The following DDX23 variants were observed in gnomAD, a reference collection of about 807,000 sequenced individuals.
DDX23 encodes the protein DEAD-box helicase 23, also known as probable ATP-dependent RNA helicase DDX23.
Under a neutral mutation model 102.7 loss-of-function variants are expected in DDX23, and 33 were observed. That is an observed-to-expected ratio of 0.32 (90% confidence interval 0.24 to 0.43). The LOEUF (loss-of-function observed/expected upper bound fraction) is 0.43, where lower values mean the gene tolerates loss of function less well. Among genes scored for constraint, DDX23 ranks in the 20% least tolerant of loss-of-function variants. The pLI is 1.00. For missense variants in DDX23, 549 were observed against 1,086.6 expected, an observed-to-expected ratio of 0.51 and a Z score of 6.96; for synonymous variants, 352 against 376.0, an observed-to-expected ratio of 0.94 and a Z score of 0.74.
Position 48,834,315 on chromosome 12 carries a change from C to A in DDX23, c.1560+5G>T, listed in dbSNP as rs1243793825. ...GCAGGCTGGCTGCTAGATAGAAAAACAAACCTCACAACCCATGCGCAGCCT... is the reference window on the plus strand; with the variant it reads ...GCAGGCTGGCTGCTAGATAGAAAAAAAAACCTCACAACCCATGCGCAGCCT... On this transcript the variant is annotated splice_donor_5th_base_variant and intron_variant, in intron 12 of 16. Coordinates refer to ENST00000308025, the MANE Select transcript of DDX23 (RefSeq NM_004818.3). 1 of 1,598,482 alleles carries A rather than the reference C, an allele frequency of 6.3e-7. No homozygotes were observed.
intron 15 of DDX23, 146 bp from the exon 16 acceptor site, chr12:48,831,462 G>A (rs1592198974): frequency 2.6e-6 from 2 of 783,786 alleles, no homozygotes; most frequent in Middle Eastern, 2.4e-4. Flanking sequence ...TGATTGCAGT[G>A]AAAGAAGGAG....
chr12:48,832,394 G>A lies in DDX23; in HGVS notation c.1955+28C>T, dbSNP rs757162808. 1 of 1,605,918 alleles carries A rather than the reference G, an allele frequency of 6.2e-7. No homozygotes were observed. The highest frequency in any genetic ancestry group is 8.5e-7 in the Non-Finnish European group (1 of 1,173,388). Reference sequence around the variant, plus strand: ...TCAGAGCCATTTTATTCTCCACCCTGTTTCCCCTGGCTCAGCTGCCCTCAT... The same window carrying A: ...TCAGAGCCATTTTATTCTCCACCCTATTTCCCCTGGCTCAGCTGCCCTCAT... On this transcript the variant is annotated intron_variant, in intron 14 of 16. Coordinates refer to ENST00000308025, the MANE Select transcript of DDX23 (RefSeq NM_004818.3). The surrounding 1 kb of genome is among the most constrained non-coding windows in gnomAD (Gnocchi z 4.4).
chr12:48,848,301 C>CA (rs1162953994), intron 1 of DDX23, among the ~76,000 whole-genome samples: 388 of 135,660 alleles, frequency 2.9e-3, no homozygotes, highest in African/African-American at 9.0e-3. Context: ...CAAAACAAAA[C>CA]AAAAAACAAA....
Position 48,830,071 on chromosome 12 carries a change from A to C in DDX23, c.*398T>G. Reference sequence around the variant, plus strand: ...GTCTCCTGGGGCATCTAGGGCAATGATGCTACTGCAGTTTATGCAGTTACA... The same window carrying C: ...GTCTCCTGGGGCATCTAGGGCAATGCTGCTACTGCAGTTTATGCAGTTACA... On this transcript the variant is annotated 3_prime_UTR_variant, in exon 17 of 17. Transcript: ENST00000308025. The surrounding 1 kb of genome is among the most constrained non-coding windows in gnomAD (Gnocchi z 4.9). The C allele has an allele frequency of 5.3e-6, 2 of 378,202 alleles. No homozygotes were observed. Among genetic ancestry groups the C allele is most frequent in the South Asian group, 4.0e-5 (2 of 50,004 alleles). The allele number at this position is 378,202 out of a possible 1,614,324, so 23.4% of individuals were successfully genotyped here. A position where few individuals can be genotyped will look rare whatever the true frequency, so the allele number is the denominator to read the frequency against.
chr12:48,832,715 T>C lies in DDX23; in HGVS notation c.1804-142A>G. 1.9e-6 allele frequency: 2 copies of C among 1,058,066 alleles called. No individual in the cohort carries two copies. Among genetic ancestry groups the C allele is most frequent in the Non-Finnish European group, 1.3e-6 (1 of 760,420 alleles). 65.5% of individuals were successfully genotyped at this position (1,058,066 alleles called of 1,614,324 possible). ...TGATAGCCACCACCTTAGAAAATAG[T>C]GTCCTCTGAATTCCCATCCTTCCTG... On this transcript the variant is annotated intron_variant, in intron 13 of 16. Transcript: ENST00000308025. The surrounding 1 kb of genome is among the most constrained non-coding windows in gnomAD (Gnocchi z 4.4).
chr12:48,845,917 A>T, intron 1 of DDX23, 135 bp from the exon 2 acceptor site: 1 of 981,106 alleles, frequency 1.0e-6, no homozygotes, highest in Non-Finnish European at 1.5e-6. Context: ...AGAACGGTGG[A>T]GCTCAGGTAT....
chr12:48,844,151 T>G, intron 2 of DDX23, 101 bp from the exon 3 acceptor site: 1 of 1,080,586 alleles, frequency 9.3e-7, no homozygotes, highest in Non-Finnish European at 1.4e-6. Context: ...AAAGTAATGT[T>G]TTACAAATTA....
chr12:48,850,942 A>G (rs1023342201), intron 1 of DDX23, among the ~76,000 whole-genome samples: 1 of 152,194 alleles, frequency 6.6e-6, no homozygotes, highest in African/African-American at 2.4e-5. Flanking sequence ...GGCAACTTTT[A>G]TTACAGGTTC....
At chr12:48,851,488 A>G (rs1938758037) in intron 1 of DDX23, among the ~76,000 whole-genome samples, 1 of 152,138 alleles carries the variant, frequency 6.6e-6, no homozygotes, top group African/African-American at 2.4e-5. Flanking sequence ...AAAAAAGAAA[A>G]GAAAAGAAAA....
intron 11 of DDX23, chr12:48,835,176 C>T (rs1026491314): frequency 1.5e-5 from 4 of 265,108 alleles, no homozygotes; most frequent in Non-Finnish European, 3.2e-5. Flanking sequence ...TGGGAGGCAA[C>T]GGTTGCTGTA....
Position 48,833,343 on chromosome 12 carries a change from C to A in DDX23, c.1737G>T (p.Thr579=), listed in dbSNP as rs149236003. 6.2e-7 allele frequency: 1 copy of A among 1,614,052 alleles called. No individual in the cohort carries two copies. Among genetic ancestry groups the A allele is most frequent in the African/African-American group, 1.3e-5 (1 of 74,912 alleles). ...TCTTCTCAGGGTCCTCAGCCTCATC[C>A]GTGTCTGGCTTCTGGTTGCTGACAG... ...HMPVSNQKPD[T]DEAEDPEKML... is the part of the protein sequence containing the mutation. Residue 579 remains threonine (T), a synonymous_variant, in exon 13 of 17, where the codon ACG becomes ACT. Coordinates refer to ENST00000308025, the MANE Select transcript of DDX23 (RefSeq NM_004818.3).
At chr12:48,841,204 G>A (rs1292584807) in intron 3 of DDX23, among the ~76,000 whole-genome samples, 2 of 152,054 alleles carry the variant, frequency 1.3e-5, no homozygotes, top group African/African-American at 2.4e-5. Context: ...TGGCCAACAT[G>A]GAGAAACCCT....
At chr12:48,845,465 TA>T in intron 2 of DDX23, 108 bp downstream of exon 2, 1 of 1,285,056 alleles carries the variant, frequency 7.8e-7, no homozygotes, top group Non-Finnish European at 1.1e-6. Context: ...TCTCAAAAAA[TA>T]AAAATAAAAA....
chr12:48,842,345 C>G (rs1565678229), intron 3 of DDX23, among the ~76,000 whole-genome samples: 1 of 141,036 alleles, frequency 7.1e-6, no homozygotes, highest in African/African-American at 2.7e-5. Context: ...GCCGCCCCTA[C>G]TGGGAAGTGA....
chr12:48,830,510 T>C lies in DDX23; in HGVS notation c.2422A>G (p.Ile808Val). The change falls in exon 17 of 17, where the codon ATC (isoleucine) becomes GTC (valine). Residue 808 changes from isoleucine (I) to valine (V), a missense_variant. Physicochemically the swap from Ile to Val is conservative, Grantham distance 29. Transcript: ENST00000308025. This position sits in a 1 kb window ranked among gnomAD's most constrained non-coding sequence, Gnocchi z 4.9. ...TCTTCCCGGCGCTTCTTGGTGAGGATGGTGCCTGGCTTATGCTGGGCATCT... is the reference window on the plus strand; with the variant it reads ...TCTTCCCGGCGCTTCTTGGTGAGGACGGTGCCTGGCTTATGCTGGGCATCT... ...HPDAQHKPGTILTKKRREETI... is the reference protein window; with the variant it reads ...HPDAQHKPGTVLTKKRREETI... 1 of 1,613,612 alleles carries C rather than the reference T, an allele frequency of 6.2e-7. No homozygotes were observed. Among genetic ancestry groups the C allele is most frequent in the Non-Finnish European group, 8.5e-7 (1 of 1,179,946 alleles).
intron 3 of DDX23, among the ~76,000 whole-genome samples, chr12:48,842,581 G>A (rs1592203422): frequency 6.8e-6 from 1 of 146,550 alleles, no homozygotes; most frequent in East Asian, 2.1e-4. Context: ...CAGCCGCCCC[G>A]TCCAGGAGGT....
intron 2 of DDX23, among the ~76,000 whole-genome samples, chr12:48,845,173 G>C (rs1938643313): frequency 6.9e-6 from 1 of 145,648 alleles, no homozygotes; most frequent in African/African-American, 2.5e-5. Flanking sequence ...AAAAAAAAAG[G>C]CCAGGCGCGG....
chr12:48,851,625 G>T (rs1266288089), intron 1 of DDX23, among the ~76,000 whole-genome samples: 1 of 152,264 alleles, frequency 6.6e-6, no homozygotes, highest in Non-Finnish European at 1.5e-5. Context: ...GGAAGAGGAA[G>T]TGACGCTTGA....
rs1938403124 is a variant in DDX23 at position 48,832,351 on chromosome 12, C to T, written c.1955+71G>A. On this transcript the variant is annotated intron_variant, in intron 14 of 16. Transcript: ENST00000308025. This position sits in a 1 kb window ranked among gnomAD's most constrained non-coding sequence, Gnocchi z 4.4. ...AGCAGAGCAATTGCCCTGCCCTGCA[C>T]CTGCACTAAAAAAGTTCTCAGAGCC... 2.5e-6 allele frequency: 4 copies of T among 1,585,614 alleles called. No individual in the cohort carries two copies. The highest frequency in any genetic ancestry group is 2.7e-5 in the African/African-American group (2 of 74,488).
Sources: allele counts gnomAD v4.1 joint callset (sites outside exome capture counted in the v4.1 genomes callset), GRCh38; gene constraint gnomAD v4.1.1; non-coding constraint Gnocchi (gnomAD v3.1); transcripts MANE v1.5; gene names NCBI Gene and HGNC (gene_info 2026-07-23, HGNC 2026-07-21).